Variants in RASGEF1B observed in about 807,000 individuals in gnomAD.
The protein encoded by RASGEF1B is RasGEF domain family member 1B.
In RASGEF1B, 30 loss-of-function variants were observed where a neutral mutation model predicts 65.7. That is an observed-to-expected ratio of 0.46 (90% CI 0.34 to 0.62). RASGEF1B has a LOEUF of 0.62. RASGEF1B is among the 20% of genes least tolerant of loss of function. RASGEF1B has a pLI of 0.01. For synonymous variants in RASGEF1B, 175 were observed against 194.8 expected (o/e 0.90, Z 0.85); for missense variants, 495 against 580.1 (o/e 0.85, Z 1.51).
chr4:81,445,258 T>A (rs77826523), intron 8 of RASGEF1B, among the ~76,000 whole-genome samples: 5,357 of 152,344 alleles, frequency 0.035, 125 homozygotes, highest in Middle Eastern at 0.065. Flanking sequence ...ACTCTTTATG[T>A]AGACAAATAT....
chr4:81,470,560 A>G (rs11932828), intron 1 of RASGEF1B, among the ~76,000 whole-genome samples: 3,433 of 134,228 alleles, frequency 0.026, 141 homozygotes, highest in African/African-American at 0.089. Flanking sequence ...AGACCATCTG[A>G]GCTAAATATA....
chr4:81,470,246 C>A (rs1578647520), intron 1 of RASGEF1B, among the ~76,000 whole-genome samples: 4 of 152,268 alleles, frequency 2.6e-5, no homozygotes, highest in Admixed American at 2.6e-4. Context: ...GAAAGCAACT[C>A]TATATTTGTT....
At chr4:81,442,128 C>A (rs1398081832) in intron 9 of RASGEF1B, among the ~76,000 whole-genome samples, 169 bp downstream of exon 9, 1 of 152,162 alleles carries the variant, frequency 6.6e-6, no homozygotes, top group Non-Finnish European at 1.5e-5. Context: ...CAGTACATAA[C>A]CTGATTTATT....
chr4:81,427,811 A>G lies in RASGEF1B; in HGVS notation c.1398-19T>C. On this transcript the variant is annotated intron_variant, in intron 13 of 13. Coordinates refer to ENST00000264400, the MANE Select transcript of RASGEF1B (RefSeq NM_152545.3). Reference sequence around the variant, plus strand: ...GCTCGACCTGAGTAATAAAAACAACACAACCTAAGACAGAATGTAACAGAC... The same window carrying G: ...GCTCGACCTGAGTAATAAAAACAACGCAACCTAAGACAGAATGTAACAGAC... 6.2e-7 allele frequency: 1 copy of G among 1,612,242 alleles called. No individual in the cohort carries two copies. The highest frequency in any genetic ancestry group is 8.5e-7 in the Non-Finnish European group (1 of 1,179,154).
At position 81,427,802 on chromosome 4, in the gene RASGEF1B, A is replaced by T. The variant is rs748402557; in HGVS notation, c.1398-10T>A. ...GCCTAAGAGGCTCGACCTGAGTAAT[A>T]AAAACAACACAACCTAAGACAGAAT... On this transcript the variant is annotated splice_polypyrimidine_tract_variant and intron_variant, in intron 13 of 13. Transcript: ENST00000264400. 5 of 1,613,868 alleles carry T rather than the reference A, an allele frequency of 3.1e-6. No individual in the cohort carries two copies. Among genetic ancestry groups the T allele is most frequent in the Middle Eastern group, 1.6e-4 (1 of 6,062 alleles).
intron 11 of RASGEF1B, 44 bp from the exon 12 acceptor site, chr4:81,434,007 AATAATTATGAGTTTG>A: frequency 6.5e-7 from 1 of 1,548,792 alleles, no homozygotes; most frequent in Non-Finnish European, 8.9e-7. Context: ...ATCATAAAAA[AATAATTATGAGTTTG>A]GGAGAGGCAA....
chr4:81,466,449 A>T (rs1206104687), intron 1 of RASGEF1B, among the ~76,000 whole-genome samples: 1 of 152,050 alleles, frequency 6.6e-6, no homozygotes, highest in Non-Finnish European at 1.5e-5. Context: ...TTAAAACATG[A>T]CTTATTTTAA....
chr4:81,429,207 T>C (rs1721331435), intron 13 of RASGEF1B, among the ~76,000 whole-genome samples: 1 of 152,074 alleles, frequency 6.6e-6, no homozygotes, highest in African/African-American at 2.4e-5. Flanking sequence ...AAATTCTTTC[T>C]AGGGAAAAAC....
chr4:81,467,813 A>G (rs1442556430), intron 1 of RASGEF1B, among the ~76,000 whole-genome samples: 1 of 152,196 alleles, frequency 6.6e-6, no homozygotes, highest in Non-Finnish European at 1.5e-5. Flanking sequence ...CTATAATGAG[A>G]ATTAAATATT....
intron 4 of RASGEF1B, among the ~76,000 whole-genome samples, chr4:81,450,278 G>A (rs951249586): frequency 3.9e-5 from 6 of 152,092 alleles, no homozygotes; most frequent in African/African-American, 1.4e-4. Context: ...AGCACTTTGG[G>A]AGGCTGAGGC....
chr4:81,466,818 GAAAGAAA>G (rs1722851231), intron 1 of RASGEF1B, among the ~76,000 whole-genome samples: 1 of 141,286 alleles, frequency 7.1e-6, no homozygotes, highest in Admixed American at 7.0e-5. Context: ...AAGAAAGAAA[GAAAGAAA>G]ATTTCCAGAT....
In RASGEF1B at chr4:81,440,854, C is replaced by A; in HGVS notation, c.1084G>T (p.Ala362Ser). The A allele has an allele frequency of 6.2e-7, 1 of 1,610,624 alleles. No individual in the cohort carries two copies. The highest frequency in any genetic ancestry group is 8.5e-7 in the Non-Finnish European group (1 of 1,177,338). The change falls in exon 10 of 14, where the codon GCT becomes TCT. Residue 362 changes from alanine to serine, a missense_variant. Ala to Ser is a moderately conservative substitution (Grantham distance 99). Coordinates refer to ENST00000264400, the MANE Select transcript of RASGEF1B (RefSeq NM_152545.3). ...LRGAAQRSLT[A>S]HSSREKIVIP... Reference sequence around the variant, plus strand: ...CATACCTTTTCTCTACTACTATGAGCAGTTAAAGACCTTTGTGCTGCCCCA... The same window carrying A: ...CATACCTTTTCTCTACTACTATGAGAAGTTAAAGACCTTTGTGCTGCCCCA...
intron 1 of RASGEF1B, among the ~76,000 whole-genome samples, chr4:81,460,756 A>G (rs1722613897): frequency 6.6e-6 from 1 of 152,214 alleles, no homozygotes; most frequent in Non-Finnish European, 1.5e-5. Flanking sequence ...ACAGAATTAG[A>G]TAAAAGAAGC....
chr4:81,442,832 A>G (rs1007657091), intron 8 of RASGEF1B, among the ~76,000 whole-genome samples: 11 of 152,244 alleles, frequency 7.2e-5, no homozygotes, highest in Admixed American at 5.9e-4. Flanking sequence ...CATTTTTTTC[A>G]ATCATTTAAA....
intron 2 of RASGEF1B, 58 bp downstream of exon 2, chr4:81,459,274 T>C (rs1047134808): frequency 1.5e-6 from 2 of 1,318,710 alleles, no homozygotes; most frequent in Non-Finnish European, 2.1e-6. Context: ...CCCTGCCTAC[T>C]GTACTGCAAT....
chr4:81,438,508 G>A (rs548512283), intron 10 of RASGEF1B, among the ~76,000 whole-genome samples: 12 of 152,352 alleles, frequency 7.9e-5, no homozygotes, highest in Admixed American at 7.2e-4. Flanking sequence ...TTCACTCCTA[G>A]CCTTTGAGCC....
intron 10 of RASGEF1B, among the ~76,000 whole-genome samples, chr4:81,435,066 A>G (rs1199422112): frequency 6.6e-6 from 1 of 152,170 alleles, no homozygotes; most frequent in Non-Finnish European, 1.5e-5. Flanking sequence ...AAAAATACCT[A>G]AAAGAACTCT....
At chr4:81,429,686 G>A (rs746715844) in intron 13 of RASGEF1B, among the ~76,000 whole-genome samples, 3 of 152,236 alleles carry the variant, frequency 2.0e-5, no homozygotes, top group East Asian at 1.9e-4. Flanking sequence ...GTGGCGAGTC[G>A]TCGAGAGGAC....
Position 81,445,797 on chromosome 4 carries a change from A to G in RASGEF1B, c.771T>C (p.Ala257=), listed in dbSNP as rs1722002320. Residue 257 remains alanine (A), a synonymous_variant, in exon 7 of 14, where the codon GCT becomes GCC. Coordinates refer to ENST00000264400, the MANE Select transcript of RASGEF1B (RefSeq NM_152545.3). ...SERKKTRNLE[A]YVEWFNRLSY... ...TGAGGCGATTAAACCATTCCACGTA[A>G]GCTTCTAAGTTTCGTGTTTTCTTCC... 1 of 1,614,040 alleles carries G rather than the reference A, an allele frequency of 6.2e-7. No homozygotes were observed. The highest frequency in any genetic ancestry group is 1.3e-5 in the African/African-American group (1 of 74,940).
Sources: allele counts gnomAD v4.1 joint callset (sites outside exome capture counted in the v4.1 genomes callset), GRCh38; gene constraint gnomAD v4.1.1; transcripts MANE v1.5; gene names NCBI Gene and HGNC (gene_info 2026-07-23, HGNC 2026-07-21).